Variants in CEP112 observed in about 807,000 individuals in gnomAD.
CEP112 encodes centrosomal protein of 112 kDa.
Under a neutral mutation model 153.0 loss-of-function variants are expected in CEP112, and 127 were observed. The observed-to-expected ratio is 0.83, with a 90% confidence interval of 0.72 to 0.96. The LOEUF (loss-of-function observed/expected upper bound fraction) is 0.96. Among genes scored for constraint, CEP112 ranks in the 40% least tolerant of loss-of-function variants. CEP112 has a pLI of 0.00. For missense variants in CEP112, 1,089 were observed against 1,101.2 expected (o/e 0.99, Z 0.16); for synonymous variants, 358 against 374.4 (o/e 0.96, Z 0.51).
chr17:65,800,368 C>T (rs1291240464), intron 21 of CEP112, among the ~76,000 whole-genome samples: 4 of 151,988 alleles, frequency 2.6e-5, no homozygotes, highest in Non-Finnish European at 5.9e-5. Context: ...AATATGTGTG[C>T]TTTTGTGTCC....
intron 16 of CEP112, among the ~76,000 whole-genome samples, chr17:66,016,596 T>A (rs1037136420): frequency 6.6e-6 from 1 of 152,124 alleles, no homozygotes; most frequent in Non-Finnish European, 1.5e-5. Context: ...TTATACAGCC[T>A]GCTTCACTGG....
At chr17:66,137,713 C>T (rs761124631) in intron 4 of CEP112, among the ~76,000 whole-genome samples, 1 of 152,014 alleles carries the variant, frequency 6.6e-6, no homozygotes, top group Non-Finnish European at 1.5e-5. Flanking sequence ...TTATTATATA[C>T]CATGCAAATC....
chr17:66,098,032 A>C (rs1240244721), intron 6 of CEP112, among the ~76,000 whole-genome samples: 2 of 152,214 alleles, frequency 1.3e-5, no homozygotes, highest in African/African-American at 4.8e-5. Flanking sequence ...CTGTAACCTA[A>C]CTGGATGTGT....
chr17:66,152,873 T>C (rs1255437280), intron 4 of CEP112, among the ~76,000 whole-genome samples: 1 of 152,162 alleles, frequency 6.6e-6, no homozygotes, highest in Non-Finnish European at 1.5e-5. Context: ...CAGATAACTA[T>C]TAGAACAGAC....
intron 23 of CEP112, among the ~76,000 whole-genome samples, chr17:65,706,675 C>T (rs2048929622): frequency 2.0e-5 from 3 of 152,298 alleles, no homozygotes; most frequent in Middle Eastern, 3.4e-3. Flanking sequence ...TAACGGAACC[C>T]ATATTCACCT....
At chr17:66,031,944 A>G (rs1414637361) in intron 12 of CEP112, among the ~76,000 whole-genome samples, 1 of 152,186 alleles carries the variant, frequency 6.6e-6, no homozygotes, top group South Asian at 2.1e-4. Context: ...TGAGGACACA[A>G]GATCCCTCAG....
At chr17:66,052,831 G>T (rs2066497008) in intron 12 of CEP112, among the ~76,000 whole-genome samples, 1 of 152,184 alleles carries the variant, frequency 6.6e-6, no homozygotes, top group South Asian at 2.1e-4. Flanking sequence ...AAATGGCCAG[G>T]CGTGGTTGAT....
chr17:65,968,819 T>C (rs1468934407), intron 17 of CEP112, among the ~76,000 whole-genome samples: 2 of 152,028 alleles, frequency 1.3e-5, no homozygotes, highest in African/African-American at 4.8e-5. Context: ...TTTCGCTACA[T>C]GTAACATTAT....
At chr17:66,155,619 C>T (rs2071405729) in intron 4 of CEP112, among the ~76,000 whole-genome samples, 1 of 152,090 alleles carries the variant, frequency 6.6e-6, no homozygotes, top group Non-Finnish European at 1.5e-5. Context: ...CCCACCCCCA[C>T]AGAGCCCAAC....
chr17:66,092,104 C>A (rs142073723), intron 8 of CEP112, among the ~76,000 whole-genome samples: 1 of 148,962 alleles, frequency 6.7e-6, no homozygotes, highest in East Asian at 2.0e-4. Context: ...TGCAGTAGTG[C>A]GATCTTCTCA....
chr17:65,853,227 G>GTC (rs1193000414), intron 20 of CEP112, among the ~76,000 whole-genome samples: 1 of 152,088 alleles, frequency 6.6e-6, no homozygotes, highest in East Asian at 1.9e-4. Context: ...TTCCATGCCT[G>GTC]TCTCCTAGCT....
intron 6 of CEP112, 136 bp downstream of exon 6, chr17:66,129,610 C>G (rs2070031506): frequency 1.8e-6 from 1 of 542,886 alleles, no homozygotes; most frequent in Non-Finnish European, 3.2e-6. Context: ...ATACTTAAGC[C>G]CTTCTCAAGG....
chr17:65,655,991 A>T (rs1219520278), intron 24 of CEP112, among the ~76,000 whole-genome samples: 2 of 152,086 alleles, frequency 1.3e-5, no homozygotes, highest in African/African-American at 4.8e-5. Flanking sequence ...TCCAGCATTT[A>T]CTCCAGCATT....
At chr17:66,013,016 T>C (rs1320587268) in intron 16 of CEP112, among the ~76,000 whole-genome samples, 1 of 152,228 alleles carries the variant, frequency 6.6e-6, no homozygotes, top group African/African-American at 2.4e-5. Flanking sequence ...GATTCTACTG[T>C]TAACACTTGT....
chr17:65,984,326 G>A (rs1426842357), intron 17 of CEP112, among the ~76,000 whole-genome samples: 2 of 152,114 alleles, frequency 1.3e-5, no homozygotes, highest in Non-Finnish European at 2.9e-5. Context: ...GACAAGGCAG[G>A]GGTCAGTGGT....
intron 21 of CEP112, among the ~76,000 whole-genome samples, chr17:65,819,298 A>G (rs2056419154): frequency 6.6e-6 from 1 of 151,900 alleles, no homozygotes; most frequent in African/African-American, 2.4e-5. Flanking sequence ...GCATTTTAAA[A>G]GCAACCTTGA....
intron 21 of CEP112, among the ~76,000 whole-genome samples, chr17:65,810,804 AGT>A (rs2055904269): frequency 6.6e-6 from 1 of 152,192 alleles, no homozygotes; most frequent in Non-Finnish European, 1.5e-5. Context: ...AAGGATGAGG[AGT>A]GTAGTGTACT....
intron 8 of CEP112, among the ~76,000 whole-genome samples, chr17:66,076,651 C>T (rs1314678598): frequency 6.6e-6 from 1 of 152,186 alleles, no homozygotes; most frequent in African/African-American, 2.4e-5. Flanking sequence ...AGGGCACATA[C>T]TCTTGGGAGT....
rs1452861795 is a variant in CEP112 at position 66,191,701 on chromosome 17, G to A, written c.-9+296C>T. 1 of 152,894 alleles carries A rather than the reference G, an allele frequency of 6.5e-6. No homozygotes were observed. The highest frequency in any genetic ancestry group is 1.5e-5 in the Non-Finnish European group (1 of 68,222). The allele number at this position is 152,894 out of a possible 1,614,324, so 9.5% of individuals were successfully genotyped here. On this transcript the variant is annotated intron_variant, in intron 1 of 26. Coordinates refer to ENST00000535342, the MANE Select transcript of CEP112 (RefSeq NM_001199165.4). This position sits in a 1 kb window ranked among gnomAD's most constrained non-coding sequence, Gnocchi z 4.2. ...TTTCCTCTCCCAGTCGCAAACCCTT[G>A]GGTCAGACTCTTGGACCACGTCAGA... is the stretch of plus-strand genomic sequence containing the variant.
Sources: allele counts gnomAD v4.1 joint callset (sites outside exome capture counted in the v4.1 genomes callset), GRCh38; gene constraint gnomAD v4.1.1; non-coding constraint Gnocchi (gnomAD v3.1); transcripts MANE v1.5; gene names NCBI Gene and HGNC (gene_info 2026-07-23, HGNC 2026-07-21).